Variants in HLTF observed in about 807,000 individuals in gnomAD.
The protein encoded by HLTF is helicase like transcription factor, also known as DNA-dependent ATPase/E3 ubiquitin-protein ligase HLTF.
HLTF carries 127 observed loss-of-function variants against 129.4 expected under a neutral mutation model. The ratio of observed to expected loss-of-function variants is 0.98; its 90% CI spans 0.85 to 1.14. HLTF has a LOEUF of 1.14. Among genes scored for constraint, HLTF ranks in the 50% most tolerant of loss-of-function variants. HLTF has a pLI of 0.00. For synonymous variants in HLTF, 332 were observed against 388.8 expected, an observed-to-expected ratio of 0.85 and a Z score of 1.72; for missense variants, 1,139 against 1,187.1, an observed-to-expected ratio of 0.96 and a Z score of 0.60.
intron 2 of HLTF, among the ~76,000 whole-genome samples, chr3:149,081,916 A>G (rs187678904): frequency 1.2e-4 from 18 of 152,370 alleles, no homozygotes; most frequent in Admixed American, 3.9e-4. Flanking sequence ...TCATACCACC[A>G]AACCCCAATT....
At chr3:149,035,785 A>G (rs1219271736) in intron 23 of HLTF, among the ~76,000 whole-genome samples, 4 of 152,204 alleles carry the variant, frequency 2.6e-5, no homozygotes, top group Admixed American at 1.3e-4. Flanking sequence ...TGAGCTAAAA[A>G]AAGTACCATT....
At position 149,059,511 on chromosome 3, in the gene HLTF, C is replaced by A. The variant is rs551088675; in HGVS notation, c.1375+207G>T. Reference sequence around the variant, plus strand: ...TAAGGGCCCCCATCACATTTTGGCCCTAACTAAAACAAATACAGTAGGAAA... The same window carrying A: ...TAAGGGCCCCCATCACATTTTGGCCATAACTAAAACAAATACAGTAGGAAA... On this transcript the variant is annotated intron_variant, in intron 13 of 24. Transcript: ENST00000310053. The A allele has an allele frequency of 5.1e-3, 2,660 of 516,648 alleles. 30 individuals carry two copies. The highest frequency in any genetic ancestry group is 0.026 in the Middle Eastern group (90 of 3,502). The allele number at this position is 516,648 out of a possible 1,614,324, so 32.0% of individuals were successfully genotyped here.
chr3:149,048,875 A>G lies in HLTF; in HGVS notation c.1744T>C (p.Trp582Arg), dbSNP rs984899893. Residue 582 changes from tryptophan (W) to arginine (R), a missense_variant, in exon 16 of 25, where the codon TGG becomes CGG. Coordinates refer to ENST00000310053, the MANE Select transcript of HLTF (RefSeq NM_003071.4). Reference protein sequence around the residue: ...AVLDLESERRWVLTGTPIQNS... With the variant: ...AVLDLESERRRVLTGTPIQNS... The stretch of plus-strand genomic sequence containing the variant: ...ATGCTATGATTACCTGTCAAAACCC[A>G]TCTTCTTTCTGATTCTAAGTCAAGT... The G allele has an allele frequency of 2.4e-5, 38 of 1,613,060 alleles. No individual in the cohort carries two copies. The highest frequency in any genetic ancestry group is 3.2e-5 in the Non-Finnish European group (38 of 1,179,262).
At chr3:149,068,218 A>G (rs1029918854) in intron 8 of HLTF, 22 bp downstream of exon 8, 1 of 991,836 alleles carries the variant, frequency 1.0e-6, no homozygotes, top group Middle Eastern at 2.1e-4. Context: ...TTTCACATAA[A>G]GCGCACTTAC....
Position 149,032,257 on chromosome 3 carries a change from G to T in HLTF, c.2993C>A (p.Ala998Asp). Residue 998 changes from alanine to aspartate, a missense_variant, in exon 25 of 25, where the codon GCC becomes GAC. Coordinates refer to ENST00000310053, the MANE Select transcript of HLTF (RefSeq NM_003071.4). ...KKPNADEMKQ[A>D]KINEIRTLID... Reference sequence around the variant, plus strand: ...TAATGTTCTGATTTCATTAATTTTGGCTTGTTTCATTTCGTCAGCATTTGG... The same window carrying T: ...TAATGTTCTGATTTCATTAATTTTGTCTTGTTTCATTTCGTCAGCATTTGG... The T allele has an allele frequency of 6.3e-7, 1 of 1,593,180 alleles. No individual in the cohort carries two copies. The highest frequency in any genetic ancestry group is 8.5e-7 in the Non-Finnish European group (1 of 1,171,958).
At chr3:149,071,223 T>C (rs1718828085) in intron 7 of HLTF, 29 bp downstream of exon 7, 2 of 1,364,102 alleles carry the variant, frequency 1.5e-6, no homozygotes, top group African/African-American at 2.9e-5. Context: ...CAAAATTAGA[T>C]TTTATTAACT....
At chr3:149,052,069 ACTTGAAC>A (rs1303350948) in intron 14 of HLTF, 1 of 151,076 alleles carries the variant, frequency 6.6e-6, no homozygotes, top group Non-Finnish European at 1.5e-5. Flanking sequence ...CAGCAGGATC[ACTTGAAC>A]CTGGGAGGTG....
In HLTF at chr3:149,086,307, C is replaced by T. The variant is rs1470051779; in HGVS notation, c.20+10G>A. 4 of 1,603,028 alleles carry T rather than the reference C, an allele frequency of 2.5e-6. No homozygotes were observed. Among genetic ancestry groups the T allele is most frequent in the Admixed American group, 1.7e-5 (1 of 58,728 alleles). ...TAGACCGAGCGCCCCACCCCCTCCGCCCCCTTCACCTCTTGAACATCCAGG... is the reference window on the plus strand; with the variant it reads ...TAGACCGAGCGCCCCACCCCCTCCGTCCCCTTCACCTCTTGAACATCCAGG... On this transcript the variant is annotated intron_variant, in intron 1 of 24. Transcript: ENST00000310053.
At position 149,060,687 on chromosome 3, in the gene HLTF, C is replaced by A. The variant is rs763554421; in HGVS notation, c.1241G>T (p.Gly414Val). The change falls in exon 12 of 25, where the codon GGC (glycine) becomes GTC (valine). Residue 414 changes from glycine to valine, a missense_variant and splice_region_variant. Coordinates refer to ENST00000310053, the MANE Select transcript of HLTF (RefSeq NM_003071.4). ...ETSELPQKMK[G>V]KLKNVQSETK... ...TTCAGACTGTACATTTTTCAGTTTGCCTAAAAATAAAACAAAAATAAACAT... is the reference window on the plus strand; with the variant it reads ...TTCAGACTGTACATTTTTCAGTTTGACTAAAAATAAAACAAAAATAAACAT... 1 of 1,612,980 alleles carries A rather than the reference C, an allele frequency of 6.2e-7. No homozygotes were observed. Among genetic ancestry groups the A allele is most frequent in the East Asian group, 2.2e-5 (1 of 44,742 alleles).
intron 2 of HLTF, among the ~76,000 whole-genome samples, chr3:149,078,110 A>G (rs1381692905): frequency 6.6e-6 from 1 of 152,236 alleles, no homozygotes; most frequent in African/African-American, 2.4e-5. Context: ...TCAATTTTTC[A>G]AGAAAAAAAG....
At chr3:149,044,917 C>A (rs1716414281) in intron 18 of HLTF, among the ~76,000 whole-genome samples, 1 of 152,136 alleles carries the variant, frequency 6.6e-6, no homozygotes, top group South Asian at 2.1e-4. Context: ...CCACTGGTCT[C>A]CCTACTTCTG....
chr3:149,051,432 G>GT (rs1716985942), intron 14 of HLTF, among the ~76,000 whole-genome samples: 1 of 152,162 alleles, frequency 6.6e-6, no homozygotes, highest in Non-Finnish European at 1.5e-5. Flanking sequence ...ATTTACAGCT[G>GT]TAAGAATGAA....
At chr3:149,084,950 T>C in intron 1 of HLTF, 61 bp from the exon 2 acceptor site, 2 of 1,202,512 alleles carry the variant, frequency 1.7e-6, no homozygotes, top group Admixed American at 4.0e-5. Context: ...AAAGACCATA[T>C]GAGTAGTTTT....
chr3:149,049,132 CATTA>C (rs1405520855), intron 15 of HLTF, 131 bp from the exon 16 acceptor site: 13 of 528,786 alleles, frequency 2.5e-5, no homozygotes, highest in East Asian at 2.9e-5. Flanking sequence ...TTAAGCACTA[CATTA>C]ATTATTGAAT....
At chr3:149,073,108 C>T in intron 5 of HLTF, 117 bp downstream of exon 5, 1 of 503,586 alleles carries the variant, frequency 2.0e-6, no homozygotes. Flanking sequence ...TTCATTATAA[C>T]TTAATATATT....
chr3:149,080,534 C>G (rs951925686), intron 2 of HLTF, among the ~76,000 whole-genome samples: 3 of 152,142 alleles, frequency 2.0e-5, no homozygotes, highest in African/African-American at 7.2e-5. Context: ...CGCCACCCCT[C>G]TGCCACTGCC....
At chr3:149,081,803 G>A (rs1576630085) in intron 2 of HLTF, among the ~76,000 whole-genome samples, 1 of 152,218 alleles carries the variant, frequency 6.6e-6, no homozygotes, top group East Asian at 1.9e-4. Flanking sequence ...ATTCAACTTG[G>A]AAAGAGTAAC....
In HLTF at chr3:149,032,041, G is replaced by A. The variant is rs920158048; in HGVS notation, c.*179C>T. ...ATAACGGAACTTATTGCTATTTGAA[G>A]TTTCATTAAAAATAGGTTCATATAT... On this transcript the variant is annotated 3_prime_UTR_variant, in exon 25 of 25. Transcript: ENST00000310053. 4.8e-6 allele frequency: 2 copies of A among 420,496 alleles called. No individual in the cohort carries two copies. The highest frequency in any genetic ancestry group is 4.1e-5 in the African/African-American group (2 of 48,578). The allele number at this position is 420,496 out of a possible 1,614,324, so 26.0% of individuals were successfully genotyped here.
chr3:149,071,601 A>G lies in HLTF; in HGVS notation c.684T>C (p.His228=). The part of the protein sequence containing the change: ...FEDLKEDDKT[H]EMEPAEAIET... The stretch of plus-strand genomic sequence containing the variant: ...TCAATACCTCAGCTGGTTCCATTTC[A>G]TGGGTTTTATCATCTTCTTTTAAAT... The change falls in exon 6 of 25, where the codon CAT becomes CAC. Residue 228 remains histidine (H), a synonymous_variant. Coordinates refer to ENST00000310053, the MANE Select transcript of HLTF (RefSeq NM_003071.4). The G allele has an allele frequency of 6.3e-7, 1 of 1,597,172 alleles. No homozygotes were observed. The highest frequency in any genetic ancestry group is 8.6e-7 in the Non-Finnish European group (1 of 1,167,342).
Sources: gnomAD v4.1 joint callset for allele counts (sites outside exome capture counted in the v4.1 genomes callset) on GRCh38, gnomAD v4.1.1 for gene constraint, MANE v1.5 for transcripts, NCBI Gene and HGNC (gene_info 2026-07-23, HGNC 2026-07-21) for gene names.